The following ATR variants were observed in gnomAD, a reference collection of about 807,000 sequenced individuals.
ATR encodes serine/threonine-protein kinase ATR.
ATR carries 142 observed loss-of-function variants against 305.3 expected under a neutral mutation model. The ratio of observed to expected loss-of-function variants is 0.47; its 90% CI spans 0.41 to 0.53. ATR has a LOEUF of 0.53. Ranked by LOEUF, ATR falls within the 20% of genes least tolerant of loss-of-function variation. The pLI, the probability that ATR is intolerant of heterozygous loss-of-function variation, is 0.00. For missense variants in ATR, 2,135 were observed against 3,133.1 expected (o/e 0.68, Z 7.60); for synonymous variants, 1,050 against 1,068.1 (o/e 0.98, Z 0.33).
Position 142,553,374 on chromosome 3 carries a change from T to G in ATR, c.2658A>C (p.Pro886=), listed in dbSNP as rs1429605649. 6.2e-7 allele frequency: 1 copy of G among 1,613,608 alleles called. No homozygotes were observed. The highest frequency in any genetic ancestry group is 1.3e-5 in the African/African-American group (1 of 74,754). ...IGRAAKGDLV[P]FALLHLLHCL... ...AATGCAATAAGTGTAAGAGTGCAAA[T>G]GGTACCAAATCTCCTTTTGCGGCCC... The change falls in exon 13 of 47, where the codon CCA becomes CCC. Residue 886 remains proline, a synonymous_variant. Coordinates refer to ENST00000350721, the MANE Select transcript of ATR (RefSeq NM_001184.4).
intron 35 of ATR, among the ~76,000 whole-genome samples, chr3:142,487,361 T>A (rs989801294): frequency 4.6e-5 from 7 of 152,156 alleles, no homozygotes; most frequent in African/African-American, 9.7e-5. Flanking sequence ...GGCCTTGAAC[T>A]CCTCAGCTCA....
At chr3:142,471,845 A>G (rs549091568) in intron 36 of ATR, among the ~76,000 whole-genome samples, 2 of 152,198 alleles carry the variant, frequency 1.3e-5, no homozygotes, top group Non-Finnish European at 2.9e-5. Context: ...CTTCTATTTA[A>G]CTGAAGTTTT....
At chr3:142,496,305 T>TATATAC (rs2031618332) in intron 34 of ATR, 56 bp downstream of exon 34, 1 of 122,964 alleles carries the variant, frequency 8.1e-6, no homozygotes, top group African/African-American at 5.4e-5. Context: ...TATATATATA[T>TATATAC]ATATATATAT....
In ATR at chr3:142,503,447, G is replaced by A; in HGVS notation, c.5203C>T (p.His1735Tyr). The A allele has an allele frequency of 6.3e-7, 1 of 1,579,072 alleles. No homozygotes were observed. Residue 1735 changes from histidine (H) to tyrosine (Y), a missense_variant, in exon 30 of 47, where the codon CAT becomes TAT. His to Tyr is a moderately conservative substitution (Grantham distance 83). Around this residue, in one of 9 missense-constraint regions of ATR, gnomAD observed 117 missense variants for 198.3 expected, o/e 0.59. Coordinates refer to ENST00000350721, the MANE Select transcript of ATR (RefSeq NM_001184.4). ...AIQLEPDQII[H>Y]YHGVVKSMLG... ...ATGGACTTTACTACACCATGATAATGAATGATCTAGAAATTTAAAAATATT... is the reference window on the plus strand; with the variant it reads ...ATGGACTTTACTACACCATGATAATAAATGATCTAGAAATTTAAAAATATT...
chr3:142,546,065 C>A (rs145497219), intron 16 of ATR, among the ~76,000 whole-genome samples: 2 of 152,116 alleles, frequency 1.3e-5, no homozygotes. Flanking sequence ...GGACACTGAC[C>A]GGACTGCATT....
chr3:142,503,966 T>C (rs1159668921), intron 29 of ATR, among the ~76,000 whole-genome samples: 1 of 152,218 alleles, frequency 6.6e-6, no homozygotes, highest in African/African-American at 2.4e-5. Context: ...GGTCCTGATG[T>C]TTTAAATATG....
At chr3:142,555,829 C>T (rs750291799) in intron 10 of ATR, 48 bp downstream of exon 10, 19 of 1,557,336 alleles carry the variant, frequency 1.2e-5, no homozygotes, top group South Asian at 2.4e-5. Flanking sequence ...ATTTGAAAAG[C>T]AGAGCTTAAA....
chr3:142,572,353 G>A lies in ATR; in HGVS notation c.60-4199C>T, dbSNP rs1296838249. ...CAAAGTGCTGGGATTATCGGCGTGA[G>A]CCACCACGCCCGGCCTGACTTTTTT... On this transcript the variant is annotated intron_variant, in intron 1 of 46. Transcript: ENST00000350721. Among the ~76,000 whole-genome samples, 3 of 135,188 alleles carry A rather than the reference G, an allele frequency of 2.2e-5. No individual in the cohort carries two copies. In the East Asian group the frequency reaches 6.7e-4, roughly 30 times the overall value. The allele number at this position is 135,188 out of a possible 152,430, so 88.7% of individuals were successfully genotyped here.
intron 21 of ATR, among the ~76,000 whole-genome samples, chr3:142,526,421 T>C (rs1407303567): frequency 6.6e-6 from 1 of 152,040 alleles, no homozygotes; most frequent in Non-Finnish European, 1.5e-5. Context: ...AGCCAATACC[T>C]CCAAGTGAAC....
intron 38 of ATR, 52 bp from the exon 39 acceptor site, chr3:142,468,120 T>A: frequency 6.3e-7 from 1 of 1,590,980 alleles, no homozygotes; most frequent in Non-Finnish European, 8.5e-7. Flanking sequence ...ACAGGATTTT[T>A]AAAAGATAAA....
intron 1 of ATR, among the ~76,000 whole-genome samples, chr3:142,571,746 G>A (rs2035269637): frequency 6.6e-6 from 1 of 152,030 alleles, no homozygotes; most frequent in Admixed American, 6.6e-5. Context: ...CTCAAATAGT[G>A]GTAAAAGAAA....
chr3:142,450,174 C>G (rs1391897766), intron 46 of ATR: 1 of 497,448 alleles, frequency 2.0e-6, no homozygotes, highest in Non-Finnish European at 3.7e-6. Context: ...TGCCATCTGC[C>G]ATCGACTTTT....
intron 13 of ATR, among the ~76,000 whole-genome samples, chr3:142,551,895 T>C (rs1040574525): frequency 2.0e-5 from 3 of 152,048 alleles, no homozygotes; most frequent in Admixed American, 2.0e-4. Flanking sequence ...ACCTACAGAA[T>C]AGGAGAAAAT....
chr3:142,536,428 T>C (rs1422232166), intron 19 of ATR, among the ~76,000 whole-genome samples: 1 of 152,212 alleles, frequency 6.6e-6, no homozygotes, highest in African/African-American at 2.4e-5. Context: ...CAATAAACCA[T>C]GCTTCTCAGC....
At chr3:142,548,728 C>A (rs994146392) in intron 15 of ATR, among the ~76,000 whole-genome samples, 24 of 151,650 alleles carry the variant, frequency 1.6e-4, no homozygotes, top group African/African-American at 5.3e-4. Flanking sequence ...GTGAGGATTG[C>A]ATGAAATGAT....
At chr3:142,515,334 T>C in intron 25 of ATR, 61 bp downstream of exon 25, 3 of 1,595,306 alleles carry the variant, frequency 1.9e-6, no homozygotes, top group South Asian at 1.1e-5. Flanking sequence ...GGCATTCAGA[T>C]AGATGTTCTG....
At chr3:142,465,500 C>T (rs577672798) in intron 40 of ATR, 68 of 221,176 alleles carry the variant, frequency 3.1e-4, no homozygotes, top group African/African-American at 1.1e-3. Context: ...CAAGTACTTA[C>T]ATATTCAAAT....
chr3:142,540,127 C>T (rs1234040777), intron 18 of ATR, among the ~76,000 whole-genome samples: 1 of 151,990 alleles, frequency 6.6e-6, no homozygotes, highest in East Asian at 1.9e-4. Context: ...ATAGAAAAGA[C>T]AGGGAGGAAA....
chr3:142,502,971 A>G (rs747497232), intron 30 of ATR, among the ~76,000 whole-genome samples: 4 of 152,210 alleles, frequency 2.6e-5, no homozygotes, highest in Non-Finnish European at 5.9e-5. Context: ...CATTTAGGGT[A>G]AAATCAATGC....
Sources: gnomAD v4.1 joint callset for allele counts (sites outside exome capture counted in the v4.1 genomes callset) on GRCh38, gnomAD v4.1.1 for gene constraint, gnomAD v4.1.1 regional missense constraint, MANE v1.5 for transcripts, NCBI Gene and HGNC (gene_info 2026-07-23, HGNC 2026-07-21) for gene names.